Variants in RNF6 observed in about 807,000 individuals in gnomAD.
The protein encoded by RNF6 is ring finger protein 6.
Under a neutral mutation model 50.1 loss-of-function variants are expected in RNF6, and 21 were observed. That is an observed-to-expected ratio of 0.42 (90% CI 0.30 to 0.60). The LOEUF (loss-of-function observed/expected upper bound fraction) is 0.60, where lower values mean the gene tolerates loss of function less well. Among genes scored for constraint, RNF6 ranks in the 20% least tolerant of loss-of-function variants. The pLI is 0.20. For missense variants in RNF6, 698 were observed against 838.2 expected (o/e 0.83, Z 2.07); for synonymous variants, 255 against 291.8 (o/e 0.87, Z 1.29).
intron 5 of RNF6, among the ~76,000 whole-genome samples, chr13:26,175,575 T>A (rs1872916379): frequency 6.6e-6 from 1 of 152,124 alleles, no homozygotes; most frequent in Non-Finnish European, 1.5e-5. Flanking sequence ...GGCGTCCTGG[T>A]TACCATCGCA....
chr13:26,192,599 G>C (rs1175656193), intron 5 of RNF6, among the ~76,000 whole-genome samples: 1 of 152,206 alleles, frequency 6.6e-6, no homozygotes, highest in East Asian at 1.9e-4. Context: ...TGTCATACTA[G>C]CAGACTCTAT....
intron 5 of RNF6, among the ~76,000 whole-genome samples, chr13:26,165,734 C>CT (rs1872420402): frequency 6.6e-6 from 1 of 152,172 alleles, no homozygotes; most frequent in Admixed American, 6.5e-5. Flanking sequence ...CCTGTAGCCC[C>CT]TTTGTTTTGG....
At chr13:26,143,222 T>G (rs1441157455) in intron 5 of RNF6, among the ~76,000 whole-genome samples, 2 of 152,186 alleles carry the variant, frequency 1.3e-5, no homozygotes, top group African/African-American at 4.8e-5. Flanking sequence ...CTCACTGACC[T>G]TAATCATATG....
upstream of RNF6, among the ~76,000 whole-genome samples, chr13:26,223,050 C>G (rs943407934): frequency 5.8e-4 from 88 of 152,172 alleles, no homozygotes; most frequent in African/African-American, 2.0e-3. Flanking sequence ...AGGTCTCTGT[C>G]TAACCTGGTA....
chr13:26,152,950 C>T (rs1022773649), intron 5 of RNF6, among the ~76,000 whole-genome samples: 2 of 151,852 alleles, frequency 1.3e-5, no homozygotes, highest in African/African-American at 4.8e-5. Flanking sequence ...GTCAGGAGTT[C>T]GAGACCAGCC....
At chr13:26,170,182 G>A (rs1273949211) in intron 5 of RNF6, among the ~76,000 whole-genome samples, 6 of 151,712 alleles carry the variant, frequency 4.0e-5, no homozygotes, top group Non-Finnish European at 2.9e-5. Flanking sequence ...AGATAATGGT[G>A]GGCCATCTGA....
intron 4 of RNF6, among the ~76,000 whole-genome samples, chr13:26,216,219 A>G (rs1235929568): frequency 1.3e-5 from 2 of 152,228 alleles, no homozygotes; most frequent in African/African-American, 4.8e-5. Flanking sequence ...CCTTGTCTAT[A>G]AACTGGAGTT....
intron 5 of RNF6, among the ~76,000 whole-genome samples, chr13:26,200,747 G>A (rs1035374298): frequency 3.3e-5 from 5 of 152,092 alleles, no homozygotes; most frequent in African/African-American, 1.2e-4. Flanking sequence ...TGTTTTGTAA[G>A]CAAAGTCCAA....
At chr13:26,219,735 ACTTGCAGTT>A (rs903237461) in intron 2 of RNF6, 68 bp from the exon 3 acceptor site, 1 of 1,380,558 alleles carries the variant, frequency 7.2e-7, no homozygotes, top group Non-Finnish European at 9.8e-7. Flanking sequence ...TGTATTTTTA[ACTTGCAGTT>A]TTTCTTAATT....
chr13:26,173,729 G>T (rs1872811856), intron 5 of RNF6, among the ~76,000 whole-genome samples: 1 of 151,852 alleles, frequency 6.6e-6, no homozygotes, highest in Non-Finnish European at 1.5e-5. Context: ...AAGGCAGGCA[G>T]ATCACAAGGT....
chr13:26,166,758 A>G (rs554354015), intron 5 of RNF6, among the ~76,000 whole-genome samples: 1 of 152,278 alleles, frequency 6.6e-6, no homozygotes, highest in African/African-American at 2.4e-5. Flanking sequence ...CATCTCTACC[A>G]AATATACAAA....
At chr13:26,212,735 CCA>C (rs912014064), downstream of RNF6, 2 of 149,902 alleles carry the variant, frequency 1.3e-5, no homozygotes, top group African/African-American at 4.9e-5. Context: ...GGTGAATAAA[CCA>C]CAGTGGAACA....
chr13:26,168,845 A>G (rs886603187), intron 5 of RNF6, among the ~76,000 whole-genome samples: 13 of 152,338 alleles, frequency 8.5e-5, no homozygotes, highest in African/African-American at 2.6e-4. Flanking sequence ...TCTACAAAAA[A>G]TTTAAAATTA....
intron 5 of RNF6, among the ~76,000 whole-genome samples, chr13:26,189,027 A>G (rs1360642386): frequency 6.6e-6 from 1 of 152,136 alleles, no homozygotes; most frequent in Non-Finnish European, 1.5e-5. Context: ...AATGTAAGAT[A>G]GAATCAAAAT....
At position 26,214,857 on chromosome 13, in the gene RNF6, C is replaced by T; in HGVS notation, c.1025G>A (p.Arg342Lys). The T allele has an allele frequency of 6.2e-7, 1 of 1,614,236 alleles. No homozygotes were observed. The highest frequency in any genetic ancestry group is 8.5e-7 in the Non-Finnish European group (1 of 1,180,054). The change falls in exon 5 of 5, where the codon AGG (arginine) becomes AAG (lysine). Residue 342 changes from arginine (R) to lysine (K), a missense_variant. Transcript: ENST00000381588. ...PVQQTTRRSV[R>K]RRGRTRVFLE... ...AAAGACTCGAGTTCTACCTCTCCTCCTAACAGATCTTCTAGTGGTTTGCTG... is the reference window on the plus strand; with the variant it reads ...AAAGACTCGAGTTCTACCTCTCCTCTTAACAGATCTTCTAGTGGTTTGCTG...
intron 5 of RNF6, among the ~76,000 whole-genome samples, chr13:26,169,679 A>C (rs1233481188): frequency 6.6e-6 from 1 of 152,214 alleles, no homozygotes; most frequent in African/African-American, 2.4e-5. Context: ...CCACCAAAGA[A>C]GACAGCACCC....
At chr13:26,216,879 C>T (rs555400813) in intron 4 of RNF6, among the ~76,000 whole-genome samples, 21 of 152,068 alleles carry the variant, frequency 1.4e-4, no homozygotes, top group Non-Finnish European at 2.4e-4. Flanking sequence ...TGCTTGAACC[C>T]GGGAGGCAGA....
At chr13:26,140,970 A>C (rs1870911521) in intron 5 of RNF6, among the ~76,000 whole-genome samples, 1 of 152,226 alleles carries the variant, frequency 6.6e-6, no homozygotes, top group South Asian at 2.1e-4. Context: ...GCTGAAAGAA[A>C]TCACAGTTGA....
At chr13:26,204,566 GTC>G (rs1869029722) in intron 5 of RNF6, among the ~76,000 whole-genome samples, 1 of 151,844 alleles carries the variant, frequency 6.6e-6, no homozygotes, top group South Asian at 2.1e-4. Flanking sequence ...AACTCCTTTG[GTC>G]TTTAAAAGCA....
Sources: gnomAD v4.1 joint callset for allele counts (sites outside exome capture counted in the v4.1 genomes callset) on GRCh38, gnomAD v4.1.1 for gene constraint, MANE v1.5 for transcripts, NCBI Gene and HGNC (gene_info 2026-07-23, HGNC 2026-07-21) for gene names.